TMEM132C: variants seen among roughly 807,000 people sequenced by gnomAD.
TMEM132C encodes transmembrane protein 132C.
In TMEM132C, 29 loss-of-function variants were observed where a neutral mutation model predicts 61.4. The observed-to-expected ratio is 0.47, with a 90% confidence interval of 0.35 to 0.64. TMEM132C has a LOEUF of 0.64. TMEM132C is among the 30% of genes least tolerant of loss of function. The pLI is 0.00. For missense variants in TMEM132C, 1,408 were observed against 1,476.9 expected (o/e 0.95, Z 0.76); for synonymous variants, 656 against 633.1 (o/e 1.04, Z -0.54).
chr12:128,304,149 G>T (rs1593004113), intron 1 of TMEM132C, among the ~76,000 whole-genome samples: 1 of 152,252 alleles, frequency 6.6e-6, no homozygotes, highest in East Asian at 1.9e-4. Flanking sequence ...AAAGTAGATT[G>T]TCACTAAGTA....
intron 3 of TMEM132C, among the ~76,000 whole-genome samples, chr12:128,573,261 A>G (rs1408956400): frequency 3.3e-5 from 5 of 152,212 alleles, no homozygotes; most frequent in Admixed American, 3.3e-4. Context: ...ACCATGGAAT[A>G]CTATGCAGCC....
chr12:128,403,223 A>G (rs916677295), intron 1 of TMEM132C, among the ~76,000 whole-genome samples: 3 of 152,230 alleles, frequency 2.0e-5, no homozygotes, highest in Non-Finnish European at 1.5e-5. Flanking sequence ...TAAATCACCA[A>G]TGGAGAGAGG....
chr12:128,380,312 TAAATC>T (rs1386911339), intron 1 of TMEM132C, among the ~76,000 whole-genome samples: 1 of 152,224 alleles, frequency 6.6e-6, no homozygotes, highest in Non-Finnish European at 1.5e-5. Context: ...TTGTGAGAAA[TAAATC>T]AGAGAATCCA....
intron 5 of TMEM132C, among the ~76,000 whole-genome samples, chr12:128,689,987 G>A (rs1411434430): frequency 6.6e-6 from 1 of 152,192 alleles, no homozygotes; most frequent in East Asian, 1.9e-4. Context: ...ACCGGCAGAT[G>A]CCTCTGCCTT....
chr12:128,540,993 C>CTCTG (rs148028994), intron 2 of TMEM132C, among the ~76,000 whole-genome samples: 60,707 of 150,270 alleles, frequency 0.4, 14,160 homozygotes, highest in Middle Eastern at 0.52. Context: ...GTCTGTATGT[C>CTCTG]TCTGTCTGTC....
intron 1 of TMEM132C, among the ~76,000 whole-genome samples, chr12:128,353,549 C>G: frequency 6.6e-6 from 1 of 152,200 alleles, no homozygotes; most frequent in East Asian, 1.9e-4. Context: ...TCAGAAGAGC[C>G]GTTTTATTTA....
chr12:128,626,058 T>G (rs1954012208), intron 4 of TMEM132C, among the ~76,000 whole-genome samples: 1 of 152,076 alleles, frequency 6.6e-6, no homozygotes, highest in South Asian at 2.1e-4. Flanking sequence ...CTTAATTCAG[T>G]AATAAAGAAA....
chr12:128,282,815 A>G (rs959338820), intron 1 of TMEM132C, among the ~76,000 whole-genome samples: 1 of 152,074 alleles, frequency 6.6e-6, no homozygotes, highest in Non-Finnish European at 1.5e-5. Context: ...CTCCATTCAG[A>G]TTTGTCTGAT....
chr12:128,523,725 C>T (rs1046015855), intron 2 of TMEM132C, among the ~76,000 whole-genome samples: 7 of 147,228 alleles, frequency 4.8e-5, no homozygotes, highest in African/African-American at 1.8e-4. Context: ...TTGAGCCTGG[C>T]ATGATGGCTC....
At chr12:128,575,173 A>T (rs182045603) in intron 3 of TMEM132C, among the ~76,000 whole-genome samples, 6 of 152,350 alleles carry the variant, frequency 3.9e-5, no homozygotes, top group African/African-American at 1.2e-4. Context: ...CAGCAAAGTC[A>T]TCATACCTTA....
chr12:128,564,662 C>T (rs748093438), intron 3 of TMEM132C, among the ~76,000 whole-genome samples: 7 of 152,238 alleles, frequency 4.6e-5, no homozygotes, highest in Admixed American at 2.0e-4. Flanking sequence ...CTGCCACTTA[C>T]ATCTCGTACA....
chr12:128,418,976 G>T (rs943826373), intron 2 of TMEM132C, among the ~76,000 whole-genome samples: 1 of 152,038 alleles, frequency 6.6e-6, no homozygotes, highest in African/African-American at 2.4e-5. Flanking sequence ...CCCTAGATAC[G>T]TTGTGTGTTT....
chr12:128,535,557 A>G (rs978096928), intron 2 of TMEM132C, among the ~76,000 whole-genome samples: 7 of 152,240 alleles, frequency 4.6e-5, no homozygotes, highest in African/African-American at 1.7e-4. Context: ...CATGCCAGTT[A>G]GAATGGCAAT....
rs140866019 is a variant in TMEM132C at position 128,500,819 on chromosome 12, A to G, written c.975-43138A>G. Among the ~76,000 whole-genome samples, 1,113 of 152,266 alleles carry G rather than the reference A, an allele frequency of 7.3e-3. 12 individuals carry two copies. Among genetic ancestry groups the G allele is most frequent in the African/African-American group, 0.026 (1,065 of 41,550 alleles). ...AATTATCACATGATTTAGTAGTTCT[A>G]CTCCCAGATATATATATATATGCAA... is the stretch of plus-strand genomic sequence containing the variant. On this transcript the variant is annotated intron_variant, in intron 2 of 8. Transcript: ENST00000435159.
At chr12:128,571,270 G>A (rs1464108361) in intron 3 of TMEM132C, among the ~76,000 whole-genome samples, 2 of 152,166 alleles carry the variant, frequency 1.3e-5, no homozygotes, top group Non-Finnish European at 2.9e-5. Flanking sequence ...TGCTGAAAAG[G>A]TACATCTCAC....
At chr12:128,342,133 A>G (rs981567807) in intron 1 of TMEM132C, among the ~76,000 whole-genome samples, 1 of 151,796 alleles carries the variant, frequency 6.6e-6, no homozygotes, top group African/African-American at 2.4e-5. Context: ...CTCAGCCTCC[A>G]GAGTAGCTGG....
chr12:128,561,068 G>A (rs1458062452), intron 3 of TMEM132C, among the ~76,000 whole-genome samples: 3 of 152,216 alleles, frequency 2.0e-5, no homozygotes, highest in Admixed American at 1.3e-4. Flanking sequence ...ATGCCCCATG[G>A]CTTCTTTCCT....
intron 1 of TMEM132C, among the ~76,000 whole-genome samples, chr12:128,305,149 T>C (rs1222995429): frequency 6.6e-6 from 1 of 151,940 alleles, no homozygotes; most frequent in Admixed American, 6.6e-5. Flanking sequence ...GAGGCAGAAG[T>C]GGGAGGATCA....
chr12:128,434,962 G>A (rs1869530850), intron 2 of TMEM132C, among the ~76,000 whole-genome samples: 1 of 152,092 alleles, frequency 6.6e-6, no homozygotes, highest in Non-Finnish European at 1.5e-5. Flanking sequence ...GGTATTATGG[G>A]TTGAATTGTG....
Sources: allele counts gnomAD v4.1 joint callset (sites outside exome capture counted in the v4.1 genomes callset), GRCh38; gene constraint gnomAD v4.1.1; transcripts MANE v1.5; gene names NCBI Gene and HGNC (gene_info 2026-07-23, HGNC 2026-07-21).